Variants in KCND2 observed in about 807,000 individuals in gnomAD.
The protein encoded by KCND2 is potassium voltage-gated channel subfamily D member 2.
A neutral mutation model predicts 54.4 loss-of-function variants in KCND2; 16 were observed. The ratio of observed to expected loss-of-function variants is 0.29; its 90% CI spans 0.20 to 0.45. KCND2 has a LOEUF of 0.45. Among genes scored for constraint, KCND2 ranks in the 20% least tolerant of loss-of-function variants. KCND2 has a pLI of 1.00. For missense variants in KCND2, 486 were observed against 824.2 expected, an observed-to-expected ratio of 0.59 and a Z score of 5.02; for synonymous variants, 317 against 310.7, an observed-to-expected ratio of 1.02 and a Z score of -0.21.
At chr7:120,375,231 A>G (rs899103037) in intron 1 of KCND2, among the ~76,000 whole-genome samples, 100 of 151,592 alleles carry the variant, frequency 6.6e-4, no homozygotes, top group African/African-American at 2.3e-3. Context: ...TTCTAGAAGA[A>G]CAAACATTTT....
chr7:120,741,632 A>G lies in KCND2; in HGVS notation c.1374+3A>G, dbSNP rs771924385. The stretch of plus-strand genomic sequence containing the variant: ...GTTTACTCAGTAATCAGCTGCAGGT[A>G]CAATCAATTACATCTCTTTTTTTAA... On this transcript the variant is annotated splice_donor_region_variant and intron_variant, in intron 3 of 5. Coordinates refer to ENST00000331113, the MANE Select transcript of KCND2 (RefSeq NM_012281.3). The G allele has an allele frequency of 4.4e-6, 7 of 1,575,138 alleles. No homozygotes were observed. In the Admixed American group the frequency reaches 6.7e-5, roughly 15 times the overall value.
At position 120,732,885 on chromosome 7, in the gene KCND2, ATT is replaced by A. The variant is rs777105148; in HGVS notation, c.1116-13_1116-12del. The A allele has an allele frequency of 1.2e-6, 2 of 1,602,324 alleles. No individual in the cohort carries two copies. The highest frequency in any genetic ancestry group is 1.7e-6 in the Non-Finnish European group (2 of 1,169,920). On this transcript the variant is annotated splice_polypyrimidine_tract_variant and intron_variant, in intron 1 of 5. Transcript: ENST00000331113. Reference sequence around the variant, plus strand: ...CTGTGACTTAAAACAATATATATATATTTTTTCTTTAACTCAGGTATGGTGAC... The same window carrying A: ...CTGTGACTTAAAACAATATATATATATTTTCTTTAACTCAGGTATGGTGAC...
intron 1 of KCND2, among the ~76,000 whole-genome samples, chr7:120,487,852 G>T (rs1379691438): frequency 6.6e-6 from 1 of 152,072 alleles, no homozygotes; most frequent in Non-Finnish European, 1.5e-5. Context: ...GATATCCAAA[G>T]ATTCTACATA....
chr7:120,506,127 A>AT (rs545651892), intron 1 of KCND2, among the ~76,000 whole-genome samples: 7 of 151,348 alleles, frequency 4.6e-5, no homozygotes, highest in South Asian at 2.1e-4. Flanking sequence ...GATTTTTGAA[A>AT]TTTTTTTTTC....
chr7:120,498,493 G>A (rs768572234), intron 1 of KCND2, among the ~76,000 whole-genome samples: 46 of 150,938 alleles, frequency 3.0e-4, no homozygotes, highest in Admixed American at 6.6e-4. Context: ...AAAGACACTC[G>A]ACTGGGCGTG....
chr7:120,468,627 A>G (rs1232323095), intron 1 of KCND2, among the ~76,000 whole-genome samples: 1 of 152,132 alleles, frequency 6.6e-6, no homozygotes, highest in Non-Finnish European at 1.5e-5. Context: ...TCTTTAATGG[A>G]TATTTAAAAG....
chr7:120,525,326 A>G (rs1791759391), intron 1 of KCND2, among the ~76,000 whole-genome samples: 1 of 152,178 alleles, frequency 6.6e-6, no homozygotes, highest in Non-Finnish European at 1.5e-5. Flanking sequence ...TAAGTCATGA[A>G]GTATACCAGG....
chr7:120,579,625 T>C (rs1792488137), intron 1 of KCND2, among the ~76,000 whole-genome samples: 1 of 146,928 alleles, frequency 6.8e-6, no homozygotes, highest in Non-Finnish European at 1.5e-5. Context: ...AATAAATAAA[T>C]AAATAAATAA....
At chr7:120,542,116 CTT>C (rs71681203) in intron 1 of KCND2, among the ~76,000 whole-genome samples, 9,733 of 152,100 alleles carry the variant, frequency 0.064, 638 homozygotes, top group African/African-American at 0.18. Flanking sequence ...TAACCTGAAA[CTT>C]TAGATCATCA....
At chr7:120,452,515 G>A (rs1399545558) in intron 1 of KCND2, among the ~76,000 whole-genome samples, 5 of 152,132 alleles carry the variant, frequency 3.3e-5, no homozygotes, top group Non-Finnish European at 5.9e-5. Flanking sequence ...GGGCTGAAGG[G>A]GAAGGGAGCT....
intron 1 of KCND2, among the ~76,000 whole-genome samples, chr7:120,406,703 A>G (rs937758391): frequency 3.3e-5 from 5 of 151,982 alleles, no homozygotes; most frequent in African/African-American, 1.2e-4. Context: ...TTGAGCTGAG[A>G]AATGAAGAAT....
At chr7:120,480,294 A>G (rs1228343870) in intron 1 of KCND2, among the ~76,000 whole-genome samples, 1 of 152,168 alleles carries the variant, frequency 6.6e-6, no homozygotes, top group Non-Finnish European at 1.5e-5. Context: ...TAGAGGAAAT[A>G]TGTAAGCCAT....
chr7:120,682,073 T>C (rs1338849578), intron 1 of KCND2, among the ~76,000 whole-genome samples: 2 of 152,114 alleles, frequency 1.3e-5, no homozygotes, highest in Non-Finnish European at 2.9e-5. Flanking sequence ...TTCAAAAACA[T>C]GCTCTCGAAT....
At chr7:120,406,424 A>G (rs1471162180) in intron 1 of KCND2, among the ~76,000 whole-genome samples, 1 of 152,014 alleles carries the variant, frequency 6.6e-6, no homozygotes, top group East Asian at 1.9e-4. Context: ...GAACAACAAA[A>G]TATCAGGCTT....
chr7:120,380,160 A>C (rs1800895758), intron 1 of KCND2, among the ~76,000 whole-genome samples: 1 of 152,108 alleles, frequency 6.6e-6, no homozygotes, highest in Non-Finnish European at 1.5e-5. Context: ...GCTACTGCAC[A>C]AAGAAGAGAA....
chr7:120,451,591 A>T (rs887169214), intron 1 of KCND2, among the ~76,000 whole-genome samples: 1 of 152,216 alleles, frequency 6.6e-6, no homozygotes, highest in Non-Finnish European at 1.5e-5. Context: ...TTCCTAAGTA[A>T]TGACTACGGT....
chr7:120,589,420 T>C (rs1792642522), intron 1 of KCND2, among the ~76,000 whole-genome samples: 1 of 152,102 alleles, frequency 6.6e-6, no homozygotes, highest in Non-Finnish European at 1.5e-5. Context: ...TTTGGTAAGG[T>C]GTAGATGTTT....
At chr7:120,702,947 A>G (rs1012234975) in intron 1 of KCND2, among the ~76,000 whole-genome samples, 31 of 152,202 alleles carry the variant, frequency 2.0e-4, no homozygotes, top group African/African-American at 7.5e-4. Flanking sequence ...AGTTAAAAAA[A>G]TCAGTTGCCT....
intron 1 of KCND2, among the ~76,000 whole-genome samples, chr7:120,442,981 C>A (rs1247121792): frequency 6.6e-6 from 1 of 152,100 alleles, no homozygotes; most frequent in Non-Finnish European, 1.5e-5. Flanking sequence ...CAAGAGTTTG[C>A]ATGCAGGTAT....
Sources: gnomAD v4.1 joint callset for allele counts (sites outside exome capture counted in the v4.1 genomes callset) on GRCh38, gnomAD v4.1.1 for gene constraint, MANE v1.5 for transcripts, NCBI Gene and HGNC (gene_info 2026-07-23, HGNC 2026-07-21) for gene names.